The following PLCL1 variants were observed in gnomAD, a reference collection of about 807,000 sequenced individuals.
PLCL1 encodes phospholipase C like 1 (inactive).
In PLCL1, 41 loss-of-function variants were observed where a neutral mutation model predicts 84.4. The observed-to-expected ratio is 0.49, with a 90% confidence interval of 0.38 to 0.63. PLCL1 has a LOEUF of 0.63. Among genes scored for constraint, PLCL1 ranks in the 30% least tolerant of loss-of-function variants. The pLI, the probability that PLCL1 is intolerant of heterozygous loss-of-function variation, is 0.00. For missense variants in PLCL1, 1,206 were observed against 1,367.8 expected, an observed-to-expected ratio of 0.88 and a Z score of 1.87; for synonymous variants, 490 against 488.3, an observed-to-expected ratio of 1.00 and a Z score of -0.05.
chr2:198,037,162 A>T (rs1020215593), intron 1 of PLCL1, among the ~76,000 whole-genome samples: 2 of 152,244 alleles, frequency 1.3e-5, no homozygotes, highest in African/African-American at 4.8e-5. Context: ...CTTCATATTA[A>T]TAAGCCACTA....
chr2:197,922,982 G>T (rs1688742841), intron 1 of PLCL1, among the ~76,000 whole-genome samples: 1 of 119,304 alleles, frequency 8.4e-6, no homozygotes. Flanking sequence ...CCCGGACCGG[G>T]CGGCTGGCCG....
chr2:198,086,133 T>C lies in PLCL1; in HGVS notation c.2616T>C (p.Tyr872=). The stretch of plus-strand genomic sequence containing the variant: ...GAATGGGGAAGAAAGTTCGGGAATA[T>C]ACCATGCTCAGGAATATCGGTCTTA... ...SVRMGKKVRE[Y]TMLRNIGLKT... The change falls in exon 2 of 6, where the codon TAT becomes TAC. Residue 872 remains tyrosine (Y), a synonymous_variant. Transcript: ENST00000428675. 1 of 1,613,818 alleles carries C rather than the reference T, an allele frequency of 6.2e-7. No individual in the cohort carries two copies. Among genetic ancestry groups the C allele is most frequent in the South Asian group, 1.1e-5 (1 of 91,064 alleles).
intron 1 of PLCL1, among the ~76,000 whole-genome samples, chr2:197,831,345 GA>G (rs201046689): frequency 0.016 from 2,332 of 149,052 alleles, 65 homozygotes; most frequent in African/African-American, 0.053. Flanking sequence ...AAATGGAAAG[GA>G]AAAAAAAAGC....
intron 1 of PLCL1, among the ~76,000 whole-genome samples, chr2:197,821,184 G>A (rs1690807860): frequency 6.6e-6 from 1 of 152,072 alleles, no homozygotes; most frequent in African/African-American, 2.4e-5. Context: ...TATCACTGGT[G>A]GTGGTACTCA....
intron 1 of PLCL1, among the ~76,000 whole-genome samples, chr2:197,930,069 C>T (rs1180932039): frequency 6.6e-6 from 1 of 152,112 alleles, no homozygotes; most frequent in Non-Finnish European, 1.5e-5. Context: ...GCCTACTAAT[C>T]TTGGAACTTC....
intron 1 of PLCL1, among the ~76,000 whole-genome samples, chr2:198,081,928 T>G (rs1055016510): frequency 2.6e-5 from 4 of 152,216 alleles, no homozygotes; most frequent in Admixed American, 2.6e-4. Flanking sequence ...GTTATACTTT[T>G]CAATATTTGA....
At chr2:198,020,516 G>A (rs1691106544) in intron 1 of PLCL1, among the ~76,000 whole-genome samples, 2 of 151,416 alleles carry the variant, frequency 1.3e-5, no homozygotes. Context: ...AGACACACAT[G>A]GCTCAAAATA....
intron 1 of PLCL1, among the ~76,000 whole-genome samples, chr2:197,998,779 A>G (rs1172716137): frequency 2.0e-5 from 3 of 151,996 alleles, no homozygotes; most frequent in Non-Finnish European, 4.4e-5. Flanking sequence ...CCTTGGATTC[A>G]CCCAATCCAA....
chr2:198,047,502 G>A (rs138951876), intron 1 of PLCL1, among the ~76,000 whole-genome samples: 2 of 152,158 alleles, frequency 1.3e-5, no homozygotes, highest in East Asian at 1.9e-4. Flanking sequence ...GTAATTTCAG[G>A]TAGTTCTATG....
chr2:197,878,775 A>G lies in PLCL1; in HGVS notation c.240+73436A>G, dbSNP rs985291753. Among the ~76,000 whole-genome samples, 13 of 152,078 alleles carry G rather than the reference A, an allele frequency of 8.5e-5. 1 individual carries two copies. The highest frequency in any genetic ancestry group is 1.5e-5 in the Non-Finnish European group (1 of 68,004). The stretch of plus-strand genomic sequence containing the variant: ...CTAGGCTCTCACAGTGGTCTCCAAG[A>G]TTGTGCATTATCAGGTTGGGGGAGG... On this transcript the variant is annotated intron_variant, in intron 1 of 5. Coordinates refer to ENST00000428675, the MANE Select transcript of PLCL1 (RefSeq NM_006226.4).
At chr2:197,984,233 G>A (rs188767471) in intron 1 of PLCL1, among the ~76,000 whole-genome samples, 10 of 152,200 alleles carry the variant, frequency 6.6e-5, no homozygotes, top group East Asian at 1.9e-4. Context: ...AGCTAAAGGC[G>A]CATTACTGAT....
rs144750355 is a variant in PLCL1, at chr2:197,929,689, T to G, written c.240+124350T>G. Reference sequence around the variant, plus strand: ...AACAGAGTACTGGACAGCTTCACATTTGGATTCTGGGCAGGTATGAATTCT... The same window carrying G: ...AACAGAGTACTGGACAGCTTCACATGTGGATTCTGGGCAGGTATGAATTCT... On this transcript the variant is annotated intron_variant, in intron 1 of 5. Coordinates refer to ENST00000428675, the MANE Select transcript of PLCL1 (RefSeq NM_006226.4). Among the ~76,000 whole-genome samples the G allele has an allele frequency of 6.0e-4, 91 of 152,328 alleles. 4 individuals are homozygous for G. The South Asian group carries it at 0.014, about 24-fold the overall frequency.
At chr2:197,860,658 T>G (rs1477112515) in intron 1 of PLCL1, among the ~76,000 whole-genome samples, 1 of 152,192 alleles carries the variant, frequency 6.6e-6, no homozygotes, top group Non-Finnish European at 1.5e-5. Context: ...ATATGCTTGT[T>G]GACGGCATGC....
intron 5 of PLCL1, among the ~76,000 whole-genome samples, chr2:198,116,876 A>G (rs1255757866): frequency 6.6e-6 from 1 of 151,854 alleles, no homozygotes; most frequent in Non-Finnish European, 1.5e-5. Flanking sequence ...AAAGTCTTTG[A>G]GTGTTTATTT....
At chr2:197,828,957 G>A (rs1366977239) in intron 1 of PLCL1, among the ~76,000 whole-genome samples, 1 of 152,134 alleles carries the variant, frequency 6.6e-6, no homozygotes, top group Non-Finnish European at 1.5e-5. Flanking sequence ...CATGATTTAT[G>A]ACACTATTGT....
chr2:197,985,482 C>G (rs1008007996), intron 1 of PLCL1, among the ~76,000 whole-genome samples: 2 of 152,136 alleles, frequency 1.3e-5, no homozygotes, highest in African/African-American at 4.8e-5. Flanking sequence ...AATAAATAGT[C>G]TAAGCCAGAG....
At chr2:198,060,084 A>G (rs1350109373) in intron 1 of PLCL1, among the ~76,000 whole-genome samples, 6 of 152,168 alleles carry the variant, frequency 3.9e-5, no homozygotes, top group African/African-American at 4.8e-5. Context: ...CTGATACCCT[A>G]CTGAATTCGA....
At chr2:198,094,302 C>T (rs1279834189) in intron 3 of PLCL1, among the ~76,000 whole-genome samples, 1 of 152,184 alleles carries the variant, frequency 6.6e-6, no homozygotes, top group Non-Finnish European at 1.5e-5. Flanking sequence ...ACCTCGTGAT[C>T]TGCCCGCCTT....
At chr2:198,122,228 T>C (rs1405015682) in intron 5 of PLCL1, among the ~76,000 whole-genome samples, 1 of 152,084 alleles carries the variant, frequency 6.6e-6, no homozygotes, top group Non-Finnish European at 1.5e-5. Flanking sequence ...AAGACATTGG[T>C]CACTATTGCC....
Sources: allele counts gnomAD v4.1 joint callset (sites outside exome capture counted in the v4.1 genomes callset), GRCh38; gene constraint gnomAD v4.1.1; transcripts MANE v1.5; gene names NCBI Gene and HGNC (gene_info 2026-07-23, HGNC 2026-07-21).